The following SAMTOR variants were observed in gnomAD, a reference collection of about 807,000 sequenced individuals.
The protein encoded by SAMTOR is S-adenosylmethionine sensor upstream of mTORC1.
the SAMTOR span, chr7:112,939,200 C>G: frequency 3.0e-4 from 61 of 204,242 alleles, no homozygotes; most frequent in African/African-American, 1.2e-3. Context: ...TTCTTTTCGT[C>G]TTTTACAAAT....
chr7:112,865,787 CAT>C, the SAMTOR span, among the ~76,000 whole-genome samples: 94 of 126,178 alleles, frequency 7.4e-4, 2 homozygotes, highest in African/African-American at 2.7e-3. Context: ...TATATTCATT[CAT>C]ATATATACTT....
chr7:112,898,766 G>GGAA, the SAMTOR span, among the ~76,000 whole-genome samples: 1 of 152,208 alleles, frequency 6.6e-6, no homozygotes, highest in Non-Finnish European at 1.5e-5. Context: ...TCCACCTGGG[G>GGAA]GAAGAAGAGG....
the SAMTOR span, among the ~76,000 whole-genome samples, chr7:112,894,214 A>AGG: frequency 6.6e-6 from 1 of 150,450 alleles, no homozygotes. Flanking sequence ...GAGAGAGGAG[A>AGG]GGGGAGAGAG....
chr7:112,858,170 T>C, the SAMTOR span, among the ~76,000 whole-genome samples: 1 of 152,130 alleles, frequency 6.6e-6, no homozygotes, highest in Non-Finnish European at 1.5e-5. Context: ...TGAATACTAT[T>C]AGTGGCAACC....
chr7:112,895,001 C>G, the SAMTOR span, among the ~76,000 whole-genome samples: 1 of 152,146 alleles, frequency 6.6e-6, no homozygotes, highest in Admixed American at 6.5e-5. Context: ...AAATTTATGC[C>G]TATATGCATA....
At chr7:112,860,947 T>C in the SAMTOR span, among the ~76,000 whole-genome samples, 1 of 149,922 alleles carries the variant, frequency 6.7e-6, no homozygotes, top group Admixed American at 6.6e-5. Flanking sequence ...TCAACAGATT[T>C]GATACTTCTC....
At chr7:112,929,418 T>C in the SAMTOR span, among the ~76,000 whole-genome samples, 5 of 151,980 alleles carry the variant, frequency 3.3e-5, no homozygotes, top group African/African-American at 7.2e-5. Flanking sequence ...AGGATGGCTA[T>C]TATCAAAAAG....
At chr7:112,921,874 C>G in the SAMTOR span, among the ~76,000 whole-genome samples, 6 of 150,762 alleles carry the variant, frequency 4.0e-5, no homozygotes, top group Admixed American at 2.6e-4. Context: ...AAATGCAAAT[C>G]AAAACCACAA....
At chr7:112,859,159 G>C in the SAMTOR span, among the ~76,000 whole-genome samples, 1 of 152,118 alleles carries the variant, frequency 6.6e-6, no homozygotes, top group South Asian at 2.1e-4. Context: ...CTACTAGCCT[G>C]CCCTGCAGAT....
chr7:112,902,016 A>G, the SAMTOR span, among the ~76,000 whole-genome samples: 1 of 152,176 alleles, frequency 6.6e-6, no homozygotes, highest in Non-Finnish European at 1.5e-5. Context: ...GCTAATTACT[A>G]AGTAAAAGAA....
chr7:112,861,593 T>C, the SAMTOR span, among the ~76,000 whole-genome samples: 133 of 152,322 alleles, frequency 8.7e-4, no homozygotes, highest in Middle Eastern at 0.014. Flanking sequence ...TCTAAAACAG[T>C]TGGTCCCTTG....
the SAMTOR span, among the ~76,000 whole-genome samples, chr7:112,917,295 G>A: frequency 2.6e-5 from 4 of 152,248 alleles, no homozygotes; most frequent in Non-Finnish European, 5.9e-5. Context: ...CGCGGTTCAC[G>A]AAAATCTGCT....
At chr7:112,824,432 C>T in the SAMTOR span, among the ~76,000 whole-genome samples, 4 of 152,180 alleles carry the variant, frequency 2.6e-5, no homozygotes, top group Non-Finnish European at 5.9e-5. Flanking sequence ...GTGATCTTGG[C>T]TCACCGCAAC....
At chr7:112,821,214 A>G in the SAMTOR span, 2 of 152,556 alleles carry the variant, frequency 1.3e-5, no homozygotes, top group East Asian at 3.8e-4. Context: ...TTCAGTAAAT[A>G]TTGGATCATC....
the SAMTOR span, among the ~76,000 whole-genome samples, chr7:112,920,744 C>G: frequency 1.3e-5 from 2 of 149,578 alleles, no homozygotes; most frequent in Non-Finnish European, 3.0e-5. Context: ...TAAGCAACTT[C>G]CGCAAAGTCT....
chr7:112,932,368 G>A, the SAMTOR span, among the ~76,000 whole-genome samples: 1 of 152,026 alleles, frequency 6.6e-6, no homozygotes, highest in African/African-American at 2.4e-5. Context: ...ATGCTATTCA[G>A]AATAACTTGG....
the SAMTOR span, among the ~76,000 whole-genome samples, chr7:112,867,586 A>G: frequency 2.6e-5 from 4 of 152,286 alleles, no homozygotes; most frequent in South Asian, 8.3e-4. Context: ...TCTAAGTAAA[A>G]TTATTTTCTT....
At chr7:112,865,246 C>T in the SAMTOR span, among the ~76,000 whole-genome samples, 6 of 151,996 alleles carry the variant, frequency 3.9e-5, no homozygotes, top group Admixed American at 3.3e-4. Flanking sequence ...GCCAGGAGTT[C>T]GAGACCAACC....
chr7:112,908,877 A>G, the SAMTOR span, among the ~76,000 whole-genome samples: 1 of 152,196 alleles, frequency 6.6e-6, no homozygotes. Flanking sequence ...TTCCCTTTGA[A>G]ATAACGAGAC....
Sources: gnomAD v4.1 joint callset for allele counts (sites outside exome capture counted in the v4.1 genomes callset) on GRCh38, gnomAD v4.1.1 for gene constraint, MANE v1.5 for transcripts, NCBI Gene and HGNC (gene_info 2026-07-23, HGNC 2026-07-21) for gene names.